Variants in SLC26A5 observed in about 807,000 individuals in gnomAD.
The protein encoded by SLC26A5 is prestin.
SLC26A5 carries 51 observed loss-of-function variants against 81.0 expected under a neutral mutation model. The ratio of observed to expected loss-of-function variants is 0.63; its 90% CI spans 0.50 to 0.80. The LOEUF (loss-of-function observed/expected upper bound fraction) is 0.80, where lower values mean the gene tolerates loss of function less well. Ranked by LOEUF, SLC26A5 falls within the 30% of genes least tolerant of loss-of-function variation. The probability of loss-of-function intolerance (pLI) is 0.00; values close to 1 mark genes in which losing one functional copy is unlikely to be tolerated. For synonymous variants in SLC26A5, 325 were observed against 332.8 expected (o/e 0.98, Z 0.25); for missense variants, 771 against 905.8 (o/e 0.85, Z 1.91).
chr7:103,406,024 TC>T lies in SLC26A5; in HGVS notation c.888+1826del, dbSNP rs376515908. Among the ~76,000 whole-genome samples, 655 of 152,120 alleles carry T rather than the reference TC, an allele frequency of 4.3e-3. 4 individuals are homozygous for T. The highest frequency in any genetic ancestry group is 0.015 in the African/African-American group (620 of 41,498). ...AAGCCTCAGTAATGGCAGATGCCCC[TC>T]CCCCCACCAAGCTCAAGCGTCCCAG... On this transcript the variant is annotated intron_variant, in intron 8 of 19. Coordinates refer to ENST00000306312, the MANE Select transcript of SLC26A5 (RefSeq NM_198999.3).
intron 8 of SLC26A5, among the ~76,000 whole-genome samples, chr7:103,406,026 C>T (rs1481660844): frequency 6.6e-6 from 1 of 150,854 alleles, no homozygotes; most frequent in Non-Finnish European, 1.5e-5. Flanking sequence ...GATGCCCCTC[C>T]CCCCACCAAG....
intron 19 of SLC26A5, 122 bp from the exon 20 acceptor site, chr7:103,374,714 T>C (rs1821229199): frequency 9.8e-7 from 1 of 1,023,052 alleles, no homozygotes; most frequent in Non-Finnish European, 1.4e-6. Flanking sequence ...TCTTTTTTTT[T>C]TTTGAGACAG....
chr7:103,438,057 G>A (rs879831304), intron 2 of SLC26A5, among the ~76,000 whole-genome samples: 4 of 152,128 alleles, frequency 2.6e-5, no homozygotes, highest in Admixed American at 2.0e-4. Context: ...TGTGACTTCA[G>A]CCCTCTATAT....
At chr7:103,401,891 T>A (rs781281173) in intron 8 of SLC26A5, among the ~76,000 whole-genome samples, 30 of 152,234 alleles carry the variant, frequency 2.0e-4, no homozygotes, top group Admixed American at 5.9e-4. Context: ...CAGCCTTGCA[T>A]CCCAGGGATG....
At chr7:103,407,664 G>GT (rs1824161596) in intron 8 of SLC26A5, among the ~76,000 whole-genome samples, 187 bp downstream of exon 8, 1 of 152,124 alleles carries the variant, frequency 6.6e-6, no homozygotes, top group African/African-American at 2.4e-5. Context: ...AAAATCATCT[G>GT]TGTCTATGTT....
At chr7:103,370,782 C>T (rs1437827761), downstream of SLC26A5, among the ~76,000 whole-genome samples, 1 of 152,154 alleles carries the variant, frequency 6.6e-6, no homozygotes, top group Non-Finnish European at 1.5e-5. Flanking sequence ...CAAACATATT[C>T]CAACGATTCA....
chr7:103,405,741 A>G (rs962212317), intron 8 of SLC26A5, among the ~76,000 whole-genome samples: 1 of 152,226 alleles, frequency 6.6e-6, no homozygotes, highest in African/African-American at 2.4e-5. Context: ...CAGAGCTGGC[A>G]GACCGGAATG....
chr7:103,445,516 T>G (rs1299464542), intron 1 of SLC26A5: 1 of 152,230 alleles, frequency 6.6e-6, no homozygotes, highest in Non-Finnish European at 1.5e-5. Flanking sequence ...GCTGTTAGGC[T>G]CTGAGCAGTC....
At chr7:103,358,642 CTCTTA>C (rs969879080) in intron 19 of SLC26A5, among the ~76,000 whole-genome samples, 3 of 151,700 alleles carry the variant, frequency 2.0e-5, no homozygotes, top group Non-Finnish European at 2.9e-5. Flanking sequence ...TATTTCAAGG[CTCTTA>C]TCTTTATTCT....
In SLC26A5 at chr7:103,411,421, T is replaced by G. The variant is rs1216817749; in HGVS notation, c.569A>C (p.Gln190Pro). 5.0e-6 allele frequency: 8 copies of G among 1,614,022 alleles called. No homozygotes were observed. The highest frequency in any genetic ancestry group is 6.8e-6 in the Non-Finnish European group (8 of 1,180,008). ...CATTTCCCCATCTTTGAGCCTTACC[T>G]GAATGATTCCTGAAAGTAAGGTCAC... is the stretch of plus-strand genomic sequence containing the variant. The part of the protein sequence containing the change: ...MSVTLLSGII[Q>P]FCLGVCRFGF... Residue 190 changes from glutamine to proline, a missense_variant and splice_region_variant, in exon 6 of 20, where the codon CAG becomes CCG. Physicochemically the swap from Gln to Pro is moderately conservative, Grantham distance 76. Coordinates refer to ENST00000306312, the MANE Select transcript of SLC26A5 (RefSeq NM_198999.3).
chr7:103,420,176 T>C (rs952546507), intron 4 of SLC26A5, among the ~76,000 whole-genome samples: 2 of 151,232 alleles, frequency 1.3e-5, no homozygotes, highest in Non-Finnish European at 2.9e-5. Context: ...ACAACAACCA[T>C]AACAACAAAA....
chr7:103,362,020 T>C lies in SLC26A5; in HGVS notation c.2042-9094A>G, dbSNP rs138047874. ...AATACATTATCAACGTAAAGCAGTT[T>C]GCCAAGTTTGTGGTGGACCTTAGTG... On this transcript the variant is annotated intron_variant, in intron 19 of 19. Transcript: ENST00000339444. 1.0e-4 allele frequency: 166 copies of C among 1,613,984 alleles called. No individual in the cohort carries two copies. The African/African-American group carries it at 2.1e-3, about 20-fold the overall frequency.
chr7:103,434,126 G>T (rs1826279687), intron 2 of SLC26A5, among the ~76,000 whole-genome samples: 2 of 152,052 alleles, frequency 1.3e-5, no homozygotes, highest in African/African-American at 2.4e-5. Flanking sequence ...CCCTCATTTT[G>T]CTGGAGTGCA....
At chr7:103,361,833 T>C in intron 19 of SLC26A5, 1 of 887,622 alleles carries the variant, frequency 1.1e-6, no homozygotes, top group Non-Finnish European at 1.6e-6. Flanking sequence ...TCTTTAACAG[T>C]GTCCCAGTTT....
intron 14 of SLC26A5, among the ~76,000 whole-genome samples, chr7:103,381,661 T>C (rs1821802445): frequency 6.9e-6 from 1 of 145,752 alleles, no homozygotes; most frequent in Non-Finnish European, 1.5e-5. Flanking sequence ...ATGCACACAC[T>C]ACACACATAA....
intron 12 of SLC26A5, among the ~76,000 whole-genome samples, chr7:103,389,705 C>A (rs1250268220): frequency 6.6e-6 from 1 of 152,164 alleles, no homozygotes; most frequent in East Asian, 1.9e-4. Flanking sequence ...TAACTGCAAC[C>A]TCTGCCTCCC....
At chr7:103,363,216 G>A (rs1397030203) in intron 19 of SLC26A5, 3 of 692,806 alleles carry the variant, frequency 4.3e-6, no homozygotes, top group East Asian at 2.7e-5. Context: ...ACTGGGCAAT[G>A]TATTCAATTT....
At chr7:103,391,767 A>T (rs761811419) in intron 10 of SLC26A5, 32 bp from the exon 11 acceptor site, 2 of 1,563,430 alleles carry the variant, frequency 1.3e-6, no homozygotes, top group African/African-American at 2.7e-5. Flanking sequence ...CACAAAAGAG[A>T]TAGGTCATTC....
intron 8 of SLC26A5, among the ~76,000 whole-genome samples, chr7:103,398,618 T>G (rs755669634): frequency 5.3e-5 from 8 of 152,170 alleles, no homozygotes; most frequent in Non-Finnish European, 8.8e-5. Flanking sequence ...ATAGATTTAC[T>G]TGGGGTGTAA....
Sources: gnomAD v4.1 joint callset for allele counts (sites outside exome capture counted in the v4.1 genomes callset) on GRCh38, gnomAD v4.1.1 for gene constraint, MANE v1.5 for transcripts, NCBI Gene and HGNC (gene_info 2026-07-23, HGNC 2026-07-21) for gene names.